MACROD2: variants seen among roughly 807,000 people sequenced by gnomAD.
MACROD2 encodes mono-ADP ribosylhydrolase 2.
Under a neutral mutation model 70.4 loss-of-function variants are expected in MACROD2, and 36 were observed. The observed-to-expected ratio is 0.51, with a 90% confidence interval of 0.39 to 0.68. The LOEUF is 0.68. Among genes scored for constraint, MACROD2 ranks in the 30% least tolerant of loss-of-function variants. The pLI is 0.00. For synonymous variants in MACROD2, 172 were observed against 178.8 expected (o/e 0.96, Z 0.30); for missense variants, 496 against 538.4 (o/e 0.92, Z 0.78).
rs3045609 is a variant in MACROD2, at chr20:14,789,460, A to ATTTTTTTTTTTTTTTTTTTTTTT, written c.418+104511_418+104533dup. 1.9e-4 allele frequency among the ~76,000 whole-genome samples: 9 copies of ATTTTTTTTTTTTTTTTTTTTTTT among 48,360 alleles called. 2 individuals are homozygous for ATTTTTTTTTTTTTTTTTTTTTTT. Among genetic ancestry groups the ATTTTTTTTTTTTTTTTTTTTTTT allele is most frequent in the Non-Finnish European group, 2.5e-4 (7 of 27,710 alleles). The allele number at this position is 48,360 out of a possible 152,430, so 31.7% of individuals were successfully genotyped here. A position where few individuals can be genotyped will look rare whatever the true frequency, so the allele number is the denominator to read the frequency against. On this transcript the variant is annotated intron_variant, in intron 5 of 17. Transcript: ENST00000684519. ...CTTGTGGATTAATCAGGTAGTGCAA[A>ATTTTTTTTTTTTTTTTTTTTTTT]TTTTTTTTTTTTTTTTTTTTTTTTT...
intron 9 of MACROD2, among the ~76,000 whole-genome samples, chr20:15,868,181 G>T (rs573232201): frequency 6.6e-6 from 1 of 152,126 alleles, no homozygotes; most frequent in Non-Finnish European, 1.5e-5. Flanking sequence ...ACAGTGTTTC[G>T]ACTGCTGATG....
intron 6 of MACROD2, among the ~76,000 whole-genome samples, chr20:15,268,439 C>T (rs2077316230): frequency 6.6e-6 from 1 of 152,140 alleles, no homozygotes. Context: ...ATCATGAGGT[C>T]AGGAGTTCAA....
chr20:15,628,001 C>T (rs2049231661), intron 8 of MACROD2, among the ~76,000 whole-genome samples: 1 of 152,040 alleles, frequency 6.6e-6, no homozygotes, highest in Non-Finnish European at 1.5e-5. Flanking sequence ...CATGTCATGC[C>T]AAGGAAAGAG....
chr20:14,145,249 T>A (rs2148707999), intron 3 of MACROD2, among the ~76,000 whole-genome samples: 1 of 152,326 alleles, frequency 6.6e-6, no homozygotes, highest in East Asian at 1.9e-4. Context: ...TAACTTTATT[T>A]TATTTTTGCC....
intron 5 of MACROD2, among the ~76,000 whole-genome samples, chr20:14,922,693 T>G (rs925127738): frequency 6.6e-6 from 1 of 152,152 alleles, no homozygotes; most frequent in African/African-American, 2.4e-5. Context: ...TGGAACTGAT[T>G]TTTATCAATG....
Position 15,753,264 on chromosome 20 carries a change from G to A in MACROD2, c.646-109481G>A, listed in dbSNP as rs138308963. ...AGCATCACACCTAACAGGAAGCTCC[G>A]CTTCCTTCCCCACCCCCAGTAGTCC... On this transcript the variant is annotated intron_variant, in intron 8 of 17. Coordinates refer to ENST00000684519, the MANE Select transcript of MACROD2 (RefSeq NM_001351661.2). 8.1e-3 allele frequency among the ~76,000 whole-genome samples: 1,230 copies of A among 152,216 alleles called. 10 individuals are homozygous for A. Among genetic ancestry groups the A allele is most frequent in the Non-Finnish European group, 0.013 (908 of 68,010 alleles).
At chr20:15,157,176 A>G (rs1233419041) in intron 5 of MACROD2, among the ~76,000 whole-genome samples, 2 of 152,182 alleles carry the variant, frequency 1.3e-5, no homozygotes, top group East Asian at 3.9e-4. Context: ...GTCCAAGACT[A>G]AGATGCCAAC....
chr20:14,098,525 A>G (rs2054259168), intron 3 of MACROD2, among the ~76,000 whole-genome samples: 2 of 152,218 alleles, frequency 1.3e-5, no homozygotes, highest in African/African-American at 4.8e-5. Context: ...TGATTTAAGA[A>G]TAATTGATGT....
intron 8 of MACROD2, among the ~76,000 whole-genome samples, chr20:15,756,038 C>T (rs966445007): frequency 1.3e-5 from 2 of 152,154 alleles, no homozygotes; most frequent in African/African-American, 4.8e-5. Context: ...TTGCAGGGAG[C>T]CATCCTGGTT....
At chr20:15,120,978 G>C (rs1389482653) in intron 5 of MACROD2, among the ~76,000 whole-genome samples, 1 of 152,098 alleles carries the variant, frequency 6.6e-6, no homozygotes, top group Non-Finnish European at 1.5e-5. Context: ...AGCCAGGTCT[G>C]CTGATATTGA....
chr20:15,916,883 G>T (rs546139332), intron 10 of MACROD2, among the ~76,000 whole-genome samples: 5 of 152,140 alleles, frequency 3.3e-5, no homozygotes, highest in East Asian at 1.9e-4. Flanking sequence ...CTGCTATTTC[G>T]TCAGGTCTCC....
intron 6 of MACROD2, among the ~76,000 whole-genome samples, chr20:15,243,697 C>T (rs565913848): frequency 1.8e-4 from 27 of 151,976 alleles, no homozygotes; most frequent in Admixed American, 3.9e-4. Context: ...GGGCAAATCA[C>T]GAGGTCAGGA....
intron 3 of MACROD2, among the ~76,000 whole-genome samples, chr20:14,169,759 G>A (rs2081204403): frequency 6.6e-6 from 1 of 151,992 alleles, no homozygotes; most frequent in African/African-American, 2.4e-5. Flanking sequence ...ATAAGCTATA[G>A]TCATTGAATA....
At chr20:14,974,693 A>G (rs1013440076) in intron 5 of MACROD2, among the ~76,000 whole-genome samples, 9 of 152,172 alleles carry the variant, frequency 5.9e-5, no homozygotes. Flanking sequence ...TCAGTAAAGG[A>G]GCAAAGGGAA....
At chr20:15,629,416 C>T (rs934675355) in intron 8 of MACROD2, among the ~76,000 whole-genome samples, 18 of 152,170 alleles carry the variant, frequency 1.2e-4, no homozygotes, top group African/African-American at 7.2e-5. Context: ...TTATGAAAGA[C>T]GCCTGTCTGA....
chr20:14,342,421 C>T (rs1319571007), intron 3 of MACROD2, among the ~76,000 whole-genome samples: 4 of 152,078 alleles, frequency 2.6e-5, no homozygotes, highest in Non-Finnish European at 4.4e-5. Context: ...TATTTGTAGA[C>T]GCTCTCAAGT....
At chr20:14,814,261 C>T (rs2072748376) in intron 5 of MACROD2, among the ~76,000 whole-genome samples, 1 of 152,034 alleles carries the variant, frequency 6.6e-6, no homozygotes, top group African/African-American at 2.4e-5. Flanking sequence ...TCTGCCATCT[C>T]ACCACTACCC....
intron 8 of MACROD2, among the ~76,000 whole-genome samples, chr20:15,520,536 T>G (rs369956501): frequency 2.0e-4 from 17 of 83,648 alleles, no homozygotes; most frequent in Non-Finnish European, 3.2e-4. Context: ...CACCCCTATG[T>G]TTTTAAAGCT....
intron 6 of MACROD2, among the ~76,000 whole-genome samples, chr20:15,354,969 A>G (rs914588526): frequency 6.6e-6 from 1 of 152,224 alleles, no homozygotes; most frequent in Non-Finnish European, 1.5e-5. Flanking sequence ...TTTCACAACC[A>G]CACTAACAGG....
Sources: gnomAD v4.1 joint callset for allele counts (sites outside exome capture counted in the v4.1 genomes callset) on GRCh38, gnomAD v4.1.1 for gene constraint, MANE v1.5 for transcripts, NCBI Gene and HGNC (gene_info 2026-07-23, HGNC 2026-07-21) for gene names.